IGBP1C: variants seen among roughly 807,000 people sequenced by gnomAD.
The protein encoded by IGBP1C is IGBP1 family member C, also known as immunoglobulin-binding protein 1 family member C.
the IGBP1C span, among the ~76,000 whole-genome samples, chr17:58,675,103 G>A: frequency 1.3e-5 from 2 of 151,194 alleles, no homozygotes; most frequent in Non-Finnish European, 2.9e-5. Context: ...CTGACATTGT[G>A]CCATTGCACT....
At chr17:58,691,021 T>G in the IGBP1C span, among the ~76,000 whole-genome samples, 2 of 152,038 alleles carry the variant, frequency 1.3e-5, no homozygotes, top group Non-Finnish European at 1.5e-5. Flanking sequence ...GCCCGGCTAA[T>G]TTTTTGTACT....
At chr17:58,664,305 G>GC in the IGBP1C span, among the ~76,000 whole-genome samples, 4 of 152,078 alleles carry the variant, frequency 2.6e-5, no homozygotes, top group South Asian at 2.1e-4. Context: ...GATTATTTGT[G>GC]CCCCCTCATG....
the IGBP1C span, among the ~76,000 whole-genome samples, chr17:58,688,619 T>C: frequency 6.6e-6 from 1 of 152,264 alleles, no homozygotes; most frequent in East Asian, 1.9e-4. Flanking sequence ...CCAGGAGATA[T>C]TATCTTCTAC....
the IGBP1C span, among the ~76,000 whole-genome samples, chr17:58,664,961 T>C: frequency 7.7e-4 from 117 of 151,970 alleles, no homozygotes; most frequent in Admixed American, 2.4e-3. Context: ...TCCAGGTAGA[T>C]GAAGAAGGGC....
the IGBP1C span, among the ~76,000 whole-genome samples, chr17:58,690,164 A>G: frequency 6.7e-6 from 1 of 148,294 alleles, no homozygotes; most frequent in African/African-American, 2.5e-5. Context: ...TGTTTTTTTT[A>G]TTTTGCTTTG....
chr17:58,679,319 C>T, the IGBP1C span, among the ~76,000 whole-genome samples: 2 of 152,126 alleles, frequency 1.3e-5, no homozygotes, highest in Non-Finnish European at 1.5e-5. Flanking sequence ...TATTCAACTG[C>T]GTACTTCTGA....
At chr17:58,676,298 C>T in the IGBP1C span, among the ~76,000 whole-genome samples, 3 of 151,978 alleles carry the variant, frequency 2.0e-5, no homozygotes, top group Non-Finnish European at 4.4e-5. Context: ...ATCACTTGAA[C>T]CCTGGGGGCA....
chr17:58,685,925 G>A, the IGBP1C span, among the ~76,000 whole-genome samples: 1 of 148,348 alleles, frequency 6.7e-6, no homozygotes, highest in African/African-American at 2.5e-5. Context: ...AACATGGGAG[G>A]TGGAGGTTGC....
chr17:58,687,905 T>C, the IGBP1C span, among the ~76,000 whole-genome samples: 1 of 152,150 alleles, frequency 6.6e-6, no homozygotes, highest in South Asian at 2.1e-4. Flanking sequence ...TGATAGATTA[T>C]AAGCTCCATG....
At chr17:58,660,515 C>A in the IGBP1C span, 6 of 722,518 alleles carry the variant, frequency 8.3e-6, no homozygotes, top group African/African-American at 1.8e-5. Context: ...GAGGGGAAGG[C>A]TGCATGGTTT....
chr17:58,663,313 T>C, the IGBP1C span, among the ~76,000 whole-genome samples: 1 of 148,922 alleles, frequency 6.7e-6, no homozygotes, highest in Admixed American at 6.7e-5. Context: ...TCCCAGCTAC[T>C]TGGGAGGCTG....
At chr17:58,684,233 G>A in the IGBP1C span, among the ~76,000 whole-genome samples, 2 of 151,710 alleles carry the variant, frequency 1.3e-5, no homozygotes, top group Admixed American at 6.6e-5. Context: ...AGGCCTTGGC[G>A]GGTGGATCAC....
the IGBP1C span, chr17:58,660,670 C>T: frequency 8.9e-6 from 7 of 783,356 alleles, no homozygotes; most frequent in East Asian, 2.4e-5. Flanking sequence ...GTTCATCATC[C>T]TCTTCCTCCT....
the IGBP1C span, among the ~76,000 whole-genome samples, chr17:58,668,260 A>C: frequency 6.6e-6 from 1 of 152,190 alleles, no homozygotes; most frequent in Non-Finnish European, 1.5e-5. Context: ...ACTTGTGCCC[A>C]GTCTTTCTCC....
chr17:58,670,888 A>T, the IGBP1C span, among the ~76,000 whole-genome samples: 2 of 152,056 alleles, frequency 1.3e-5, no homozygotes, highest in South Asian at 4.1e-4. Flanking sequence ...TACATACAGT[A>T]ATGCATATAT....
chr17:58,691,333 G>GAAAGTTC, the IGBP1C span, among the ~76,000 whole-genome samples: 1 of 151,974 alleles, frequency 6.6e-6, no homozygotes, highest in Non-Finnish European at 1.5e-5. Context: ...GCAATATTTA[G>GAAAGTTC]AAAGTTCTTC....
chr17:58,682,396 T>C, the IGBP1C span, among the ~76,000 whole-genome samples: 1 of 152,070 alleles, frequency 6.6e-6, no homozygotes, highest in Non-Finnish European at 1.5e-5. Context: ...TAGCTGGAAT[T>C]ACAAGCACAT....
At chr17:58,676,245 A>T in the IGBP1C span, among the ~76,000 whole-genome samples, 4 of 152,086 alleles carry the variant, frequency 2.6e-5, no homozygotes, top group South Asian at 8.3e-4. Context: ...GCGTGGTGGC[A>T]GGTGCCTGTA....
the IGBP1C span, chr17:58,660,778 A>C: frequency 1.3e-6 from 1 of 781,208 alleles, no homozygotes; most frequent in Non-Finnish European, 2.4e-6. Context: ...TCTGATGTTG[A>C]TCATACCAGT....
Sources: allele counts gnomAD v4.1 joint callset (sites outside exome capture counted in the v4.1 genomes callset), GRCh38; gene constraint gnomAD v4.1.1; transcripts MANE v1.5; gene names NCBI Gene and HGNC (gene_info 2026-07-23, HGNC 2026-07-21).